The following ATRN variants were observed in gnomAD, a reference collection of about 807,000 sequenced individuals.
ATRN encodes attractin.
Under a neutral mutation model 178.7 loss-of-function variants are expected in ATRN, and 54 were observed. That is an observed-to-expected ratio of 0.30 (90% CI 0.24 to 0.38). The LOEUF is 0.38. Ranked by LOEUF, ATRN falls within the 10% of genes least tolerant of loss-of-function variation. The pLI is 1.00. For synonymous variants in ATRN, 636 were observed against 663.0 expected, an observed-to-expected ratio of 0.96 and a Z score of 0.63; for missense variants, 1,443 against 1,815.1, an observed-to-expected ratio of 0.79 and a Z score of 3.73.
intron 14 of ATRN, among the ~76,000 whole-genome samples, chr20:3,578,220 C>A (rs1357785560): frequency 6.6e-6 from 1 of 152,120 alleles, no homozygotes; most frequent in Non-Finnish European, 1.5e-5. Flanking sequence ...TTTACCCCAG[C>A]CCTCCAATAT....
intron 1 of ATRN, among the ~76,000 whole-genome samples, chr20:3,496,118 A>AT (rs2084875100): frequency 1.3e-5 from 2 of 151,990 alleles, no homozygotes; most frequent in African/African-American, 2.4e-5. Flanking sequence ...GGATTCATTA[A>AT]TTTTTTGAAG....
In ATRN at chr20:3,525,746, A is replaced by C. The variant is rs561946764; in HGVS notation, c.411-9507A>C. Reference sequence around the variant, plus strand: ...CCCTGGGATGCAAGATGGGTTCAACATAACGGAAATCAATAAACGTAATCC... The same window carrying C: ...CCCTGGGATGCAAGATGGGTTCAACCTAACGGAAATCAATAAACGTAATCC... On this transcript the variant is annotated intron_variant, in intron 1 of 28. Coordinates refer to ENST00000262919, the MANE Select transcript of ATRN (RefSeq NM_139321.3). Among the ~76,000 whole-genome samples the C allele has an allele frequency of 1.4e-4, 22 of 152,376 alleles. No individual in the cohort carries two copies. In the South Asian group the frequency reaches 4.1e-3, roughly 29 times the overall value.
intron 24 of ATRN, among the ~76,000 whole-genome samples, chr20:3,620,879 A>G (rs2086891906): frequency 6.6e-6 from 1 of 152,226 alleles, no homozygotes. Flanking sequence ...ATGGTAGACC[A>G]AGTTTGTCCA....
intron 22 of ATRN, 65 bp downstream of exon 22, chr20:3,598,065 C>T (rs1048862133): frequency 4.4e-5 from 47 of 1,057,604 alleles, no homozygotes; most frequent in Middle Eastern, 2.0e-4. Flanking sequence ...TTGGTCATTA[C>T]GGATGGACGT....
intron 4 of ATRN, 78 bp from the exon 5 acceptor site, chr20:3,547,206 C>T: frequency 3.5e-6 from 4 of 1,146,224 alleles, no homozygotes; most frequent in Non-Finnish European, 2.6e-6. Context: ...GATTCTTAAA[C>T]TTGTGTGGGA....
intron 27 of ATRN, 100 bp from the exon 28 acceptor site, chr20:3,644,054 C>A: frequency 1.2e-6 from 1 of 860,456 alleles, no homozygotes. Flanking sequence ...TTTTTATATA[C>A]CTGAAATTGA....
chr20:3,589,485 C>T (rs1568749269), intron 18 of ATRN, among the ~76,000 whole-genome samples: 1 of 151,616 alleles, frequency 6.6e-6, no homozygotes, highest in Non-Finnish European at 1.5e-5. Flanking sequence ...ATAATTTAAG[C>T]CTTATTGAAT....
At position 3,562,168 on chromosome 20, in the gene ATRN, G is replaced by A. The variant is rs1042923541; in HGVS notation, c.1448-108G>A. The A allele has an allele frequency of 4.5e-6, 4 of 887,920 alleles. No individual in the cohort carries two copies. The African/African-American group carries it at 6.7e-5, about 15-fold the overall frequency. 55.0% of individuals were successfully genotyped at this position (887,920 alleles called of 1,614,324 possible). A position where few individuals can be genotyped will look rare whatever the true frequency, so the allele number is the denominator to read the frequency against. On this transcript the variant is annotated intron_variant, in intron 8 of 28. Coordinates refer to ENST00000262919, the MANE Select transcript of ATRN (RefSeq NM_139321.3). ...AAAATATAAAGATAAAAAAGTATAT[G>A]TATCAGGTCTCCTGAAATCCATTCT...
chr20:3,601,089 G>T, intron 23 of ATRN, 65 bp downstream of exon 23: 1 of 1,454,568 alleles, frequency 6.9e-7, no homozygotes. Context: ...TGTAATATAG[G>T]AATTGAGAAA....
At position 3,638,988 on chromosome 20, in the gene ATRN, C is replaced by T. The variant is rs1162809452; in HGVS notation, c.4050+53C>T. On this transcript the variant is annotated intron_variant, in intron 27 of 28. Coordinates refer to ENST00000262919, the MANE Select transcript of ATRN (RefSeq NM_139321.3). The surrounding 1 kb of genome is among the most constrained non-coding windows in gnomAD (Gnocchi z 4.5). ...AACTTGACTTTTTAAAACTTAGGCT[C>T]CTAAGTCTGGGAAACCAGAGAGAGC... 8 of 1,467,332 alleles carry T rather than the reference C, an allele frequency of 5.5e-6. No individual in the cohort carries two copies. The highest frequency in any genetic ancestry group is 6.6e-6 in the Non-Finnish European group (7 of 1,065,594). The allele number at this position is 1,467,332 out of a possible 1,614,324, so 90.9% of individuals were successfully genotyped here.
chr20:3,560,119 A>G (rs1356137618), intron 7 of ATRN, among the ~76,000 whole-genome samples: 1 of 151,946 alleles, frequency 6.6e-6, no homozygotes, highest in African/African-American at 2.4e-5. Flanking sequence ...TAATAAATAT[A>G]TTTACATTCT....
At chr20:3,543,784 ACAC>A (rs1417427658) in intron 3 of ATRN, among the ~76,000 whole-genome samples, 1 of 151,258 alleles carries the variant, frequency 6.6e-6, no homozygotes, top group Non-Finnish European at 1.5e-5. Flanking sequence ...TGTAACCCCA[ACAC>A]TTTGTGAGGC....
intron 6 of ATRN, among the ~76,000 whole-genome samples, chr20:3,555,204 C>G (rs923278209): frequency 2.0e-5 from 3 of 151,756 alleles, no homozygotes; most frequent in Admixed American, 1.3e-4. Flanking sequence ...GGGGTTTCAC[C>G]GTGTTAGCCA....
chr20:3,582,193 G>T lies in ATRN; in HGVS notation c.2603G>T (p.Cys868Phe). 1 of 1,614,186 alleles carries T rather than the reference G, an allele frequency of 6.2e-7. No individual in the cohort carries two copies. The highest frequency in any genetic ancestry group is 8.5e-7 in the Non-Finnish European group (1 of 1,180,022). ...GLRKINVSYW[C>F]WEDMSPFTNS... is the part of the protein sequence containing the mutation. ...CGGAAGATCAATGTGTCCTACTGGT[G>T]CTGGGAAGATATGTCCCCATTTACA... The change falls in exon 16 of 29, where the codon TGC becomes TTC. Residue 868 changes from cysteine (C) to phenylalanine (F), a missense_variant. Physicochemically the swap from Cys to Phe is radical, Grantham distance 205. This residue lies in a region of ATRN where 212 missense variants were observed against 330.7 expected (regional missense o/e 0.64). Coordinates refer to ENST00000262919, the MANE Select transcript of ATRN (RefSeq NM_139321.3).
chr20:3,485,879 C>G (rs752783250), intron 1 of ATRN, among the ~76,000 whole-genome samples: 1 of 152,022 alleles, frequency 6.6e-6, no homozygotes, highest in Admixed American at 6.6e-5. Context: ...CTCAGCCTCC[C>G]AAAGTGCTGG....
intron 1 of ATRN, among the ~76,000 whole-genome samples, chr20:3,518,470 T>G (rs1291334238): frequency 6.6e-6 from 1 of 152,200 alleles, no homozygotes; most frequent in African/African-American, 2.4e-5. Flanking sequence ...TCCATAGAGA[T>G]AGAAGGTAGA....
At chr20:3,490,313 G>A (rs2084770248) in intron 1 of ATRN, 3 of 1,028,070 alleles carry the variant, frequency 2.9e-6, no homozygotes, top group African/African-American at 3.1e-5. Flanking sequence ...ATGGGTCAGA[G>A]CGCTGCTTGT....
chr20:3,474,964 G>A (rs1008213056), intron 1 of ATRN, among the ~76,000 whole-genome samples: 2 of 150,568 alleles, frequency 1.3e-5, no homozygotes, highest in East Asian at 1.9e-4. Context: ...CCCGGGAAGC[G>A]GAGGTTGCAG....
At position 3,560,893 on chromosome 20, in the gene ATRN, G is replaced by C. The variant is rs1216248539; in HGVS notation, c.1435G>C (p.Glu479Gln). The stretch of plus-strand genomic sequence containing the variant: ...CTATGGATATATAAGCAATGTGCAG[G>C]AATATGATTTGGGTAGGTATATTTT... Reference protein sequence around the residue: ...PLYGYISNVQEYDLDKNTWSI... With the variant: ...PLYGYISNVQQYDLDKNTWSI... Residue 479 changes from glutamate (E) to glutamine (Q), a missense_variant, in exon 8 of 29, where the codon GAA becomes CAA. This residue lies in a region of ATRN where 862 missense variants were observed against 972.1 expected (regional missense o/e 0.89). Coordinates refer to ENST00000262919, the MANE Select transcript of ATRN (RefSeq NM_139321.3). 4.3e-6 allele frequency: 7 copies of C among 1,613,776 alleles called. No homozygotes were observed. The South Asian group carries it at 7.7e-5, about 18-fold the overall frequency.
Sources: allele counts gnomAD v4.1 joint callset (sites outside exome capture counted in the v4.1 genomes callset), GRCh38; gene constraint gnomAD v4.1.1; regional missense constraint gnomAD v4.1.1; non-coding constraint Gnocchi (gnomAD v3.1); transcripts MANE v1.5; gene names NCBI Gene and HGNC (gene_info 2026-07-23, HGNC 2026-07-21).